The following NLGN1 variants were observed in gnomAD, a reference collection of about 807,000 sequenced individuals.
NLGN1 encodes the protein neuroligin-1.
A neutral mutation model predicts 65.5 loss-of-function variants in NLGN1; 12 were observed. That is an observed-to-expected ratio of 0.18 (90% CI 0.12 to 0.30). NLGN1 has a LOEUF of 0.30. Ranked by LOEUF, NLGN1 falls within the 10% of genes least tolerant of loss-of-function variation. The pLI, the probability that NLGN1 is intolerant of heterozygous loss-of-function variation, is 1.00. For missense variants in NLGN1, 750 were observed against 1,007.1 expected (o/e 0.74, Z 3.46); for synonymous variants, 350 against 359.5 (o/e 0.97, Z 0.30).
intron 3 of NLGN1, among the ~76,000 whole-genome samples, chr3:173,612,492 A>G (rs1424948553): frequency 6.6e-6 from 1 of 152,002 alleles, no homozygotes; most frequent in Non-Finnish European, 1.5e-5. Flanking sequence ...AGAGGTTACT[A>G]ATAGTCCTTG....
chr3:173,521,871 T>C (rs1734814782), intron 2 of NLGN1, among the ~76,000 whole-genome samples: 1 of 152,196 alleles, frequency 6.6e-6, no homozygotes, highest in Non-Finnish European at 1.5e-5. Context: ...TTTAAACATG[T>C]TTTATTTGGA....
intron 4 of NLGN1, among the ~76,000 whole-genome samples, chr3:174,176,571 AGTTTT>A (rs372596207): frequency 6.1e-4 from 93 of 151,914 alleles, no homozygotes; most frequent in African/African-American, 1.8e-3. Context: ...GCTTCAGTTC[AGTTTT>A]GTTTTGTTTT....
At chr3:173,564,378 G>T (rs1265270220) in intron 2 of NLGN1, among the ~76,000 whole-genome samples, 1 of 152,224 alleles carries the variant, frequency 6.6e-6, no homozygotes, top group African/African-American at 2.4e-5. Flanking sequence ...ATCCTACTGA[G>T]AAATGAATAT....
At chr3:173,783,504 G>T (rs1161024873) in intron 3 of NLGN1, among the ~76,000 whole-genome samples, 1 of 152,162 alleles carries the variant, frequency 6.6e-6, no homozygotes, top group East Asian at 1.9e-4. Flanking sequence ...ATCTAAGATT[G>T]TGCATAATCC....
At chr3:174,237,276 G>A (rs1343528742) in intron 4 of NLGN1, among the ~76,000 whole-genome samples, 1 of 152,062 alleles carries the variant, frequency 6.6e-6, no homozygotes, top group African/African-American at 2.4e-5. Context: ...TTTATTTACA[G>A]CTTACACAGA....
At chr3:174,128,401 A>C (rs1719418223) in intron 4 of NLGN1, among the ~76,000 whole-genome samples, 1 of 152,302 alleles carries the variant, frequency 6.6e-6, no homozygotes, top group African/African-American at 2.4e-5. Flanking sequence ...AATATGTGGG[A>C]TAGATAAGAA....
At chr3:174,135,863 C>T (rs1045078856) in intron 4 of NLGN1, among the ~76,000 whole-genome samples, 16 of 152,024 alleles carry the variant, frequency 1.1e-4, no homozygotes, top group Non-Finnish European at 2.1e-4. Flanking sequence ...AAGATTCAGA[C>T]CCAGATCAAA....
intron 2 of NLGN1, among the ~76,000 whole-genome samples, chr3:173,533,111 T>C (rs1263227066): frequency 6.6e-6 from 1 of 152,214 alleles, no homozygotes; most frequent in Non-Finnish European, 1.5e-5. Flanking sequence ...TCTAGCATAA[T>C]GGTAATTATT....
At chr3:173,425,385 A>C in intron 1 of NLGN1, among the ~76,000 whole-genome samples, 1 of 151,526 alleles carries the variant, frequency 6.6e-6, no homozygotes, top group Non-Finnish European at 1.5e-5. Flanking sequence ...ATAGAATCTC[A>C]TTTGTCACCT....
chr3:173,805,094 C>A (rs76531691), intron 3 of NLGN1, among the ~76,000 whole-genome samples: 3,432 of 152,172 alleles, frequency 0.023, 119 homozygotes, highest in East Asian at 0.17. Flanking sequence ...TTAAAGGCTT[C>A]CATTTTTTTC....
intron 4 of NLGN1, among the ~76,000 whole-genome samples, chr3:173,861,515 C>CAT (rs886333674): frequency 7.1e-6 from 1 of 141,422 alleles, no homozygotes; most frequent in African/African-American, 2.6e-5. Context: ...GTAGCTGGCA[C>CAT]GTGTGTGTGT....
intron 2 of NLGN1, among the ~76,000 whole-genome samples, chr3:173,601,224 A>G (rs1750490287): frequency 6.6e-6 from 1 of 151,990 alleles, no homozygotes; most frequent in African/African-American, 2.4e-5. Context: ...ATTTTAATAC[A>G]TTCTGAAATA....
At chr3:174,266,597 C>T (rs546364985) in intron 4 of NLGN1, among the ~76,000 whole-genome samples, 26 of 152,044 alleles carry the variant, frequency 1.7e-4, no homozygotes, top group Admixed American at 2.6e-4. Flanking sequence ...CTAGGTCAAA[C>T]GGTATTTCTA....
intron 3 of NLGN1, among the ~76,000 whole-genome samples, chr3:173,637,014 A>G (rs1756701284): frequency 6.6e-6 from 1 of 152,156 alleles, no homozygotes; most frequent in Non-Finnish European, 1.5e-5. Context: ...GAAATAAGAT[A>G]AATTCTGAGA....
chr3:173,818,895 C>CTTTTTTTTTTTTTTTTTTTTTTTTTT lies in NLGN1; in HGVS notation c.646+11079_646+11080insTTTTTTTTTTTTTTTTTTTTTTTTTT, dbSNP rs200212547. ...AATTTTGTTCTGCCTTTGAATAGTT[C>CTTTTTTTTTTTTTTTTTTTTTTTTTT]TTTTTTTTTTTTTTTTCCAGTAAGG... On this transcript the variant is annotated intron_variant, in intron 4 of 6. Coordinates refer to ENST00000457714, the Ensembl canonical transcript of NLGN1. 5.4e-5 allele frequency among the ~76,000 whole-genome samples: 5 copies of CTTTTTTTTTTTTTTTTTTTTTTTTTT among 92,388 alleles called. 1 individual carries two copies. Among genetic ancestry groups the CTTTTTTTTTTTTTTTTTTTTTTTTTT allele is most frequent in the African/African-American group, 1.4e-4 (3 of 21,222 alleles). The allele number at this position is 92,388 out of a possible 152,430, so 60.6% of individuals were successfully genotyped here.
At chr3:174,153,542 A>G (rs1724803829) in intron 4 of NLGN1, among the ~76,000 whole-genome samples, 1 of 152,156 alleles carries the variant, frequency 6.6e-6, no homozygotes. Context: ...ACATTTGTAT[A>G]TATACTTATG....
chr3:173,654,409 A>G (rs1407118566), intron 3 of NLGN1, among the ~76,000 whole-genome samples: 1 of 152,180 alleles, frequency 6.6e-6, no homozygotes, highest in Non-Finnish European at 1.5e-5. Flanking sequence ...ATAGTTTCTA[A>G]TAATTAAAAT....
At chr3:173,423,984 C>G (rs1715623692) in intron 1 of NLGN1, among the ~76,000 whole-genome samples, 1 of 152,208 alleles carries the variant, frequency 6.6e-6, no homozygotes, top group South Asian at 2.1e-4. Flanking sequence ...CCTCTGAAAT[C>G]TAGGCAGAGG....
chr3:173,541,432 A>G (rs557801760), intron 2 of NLGN1, among the ~76,000 whole-genome samples: 1 of 152,266 alleles, frequency 6.6e-6, no homozygotes, highest in Admixed American at 6.5e-5. Flanking sequence ...GAAGGTGAAG[A>G]GAGAGGGTAG....
Sources: gnomAD v4.1 joint callset for allele counts (sites outside exome capture counted in the v4.1 genomes callset) on GRCh38, gnomAD v4.1.1 for gene constraint, MANE v1.5 for transcripts, NCBI Gene and HGNC (gene_info 2026-07-23, HGNC 2026-07-21) for gene names.